DNAJB13: variants seen among roughly 807,000 people sequenced by gnomAD.
The protein encoded by DNAJB13 is DnaJ heat shock protein family (Hsp40) member B13.
Under a neutral mutation model 35.6 loss-of-function variants are expected in DNAJB13, and 22 were observed. The ratio of observed to expected loss-of-function variants is 0.62; its 90% CI spans 0.44 to 0.88. DNAJB13 has a LOEUF of 0.88. DNAJB13 is among the 40% of genes least tolerant of loss of function. The pLI, the probability that DNAJB13 is intolerant of heterozygous loss-of-function variation, is 0.00. For missense variants in DNAJB13, 370 were observed against 384.3 expected, an observed-to-expected ratio of 0.96 and a Z score of 0.31; for synonymous variants, 136 against 144.2, an observed-to-expected ratio of 0.94 and a Z score of 0.41.
intron 7 of DNAJB13, among the ~76,000 whole-genome samples, 196 bp downstream of exon 7, chr11:73,969,518 C>T (rs1951219814): frequency 1.3e-5 from 2 of 152,208 alleles, no homozygotes; most frequent in Non-Finnish European, 2.9e-5. Context: ...GCAAAAGGAA[C>T]ATCTTTTTCT....
At chr11:73,969,737 C>T (rs540841360) in intron 7 of DNAJB13, among the ~76,000 whole-genome samples, 1 of 146,878 alleles carries the variant, frequency 6.8e-6, no homozygotes, top group South Asian at 2.1e-4. Flanking sequence ...TTCCCGTTTC[C>T]CATGTCTTAA....
Position 73,963,097 on chromosome 11 carries a change from C to T in DNAJB13, c.335-1781C>T, listed in dbSNP as rs559222602. Among the ~76,000 whole-genome samples the T allele has an allele frequency of 7.2e-5, 11 of 152,036 alleles. No homozygotes were observed. The South Asian group carries it at 1.0e-3, about 14-fold the overall frequency. Reference sequence around the variant, plus strand: ...TCCCAGCACTTCAGGAGGCTGAGGCCGGCGGATCACTTGAGGTCGGCAGTT... The same window carrying T: ...TCCCAGCACTTCAGGAGGCTGAGGCTGGCGGATCACTTGAGGTCGGCAGTT... On this transcript the variant is annotated intron_variant, in intron 3 of 7. Coordinates refer to ENST00000339764, the MANE Select transcript of DNAJB13 (RefSeq NM_153614.4).
At chr11:73,957,935 G>C (rs984186640) in intron 1 of DNAJB13, among the ~76,000 whole-genome samples, 3 of 152,212 alleles carry the variant, frequency 2.0e-5, no homozygotes, top group Non-Finnish European at 2.9e-5. Flanking sequence ...GAAGGAGGGA[G>C]AGTGCAGCGA....
chr11:73,968,315 C>T (rs778281028), intron 5 of DNAJB13, 30 bp from the exon 6 acceptor site: 2 of 1,604,658 alleles, frequency 1.2e-6, no homozygotes, highest in East Asian at 4.5e-5. Context: ...GCCAACTAGT[C>T]CTTGTCACCT....
intron 6 of DNAJB13, 103 bp from the exon 7 acceptor site, chr11:73,969,143 C>A: frequency 1.7e-6 from 1 of 604,908 alleles, no homozygotes; most frequent in Non-Finnish European, 2.9e-6. Flanking sequence ...CTCCCTTGTG[C>A]CCAACTCACA....
Position 73,964,955 on chromosome 11 carries a change from C to G in DNAJB13, c.412C>G (p.Pro138Ala), listed in dbSNP as rs1398252512. ...GGGCCGAGGGGTCAAGAAGCAGGAC[C>G]CCCAAGTCGAACGGGATCTCTACCT... ...LQGRGVKKQD[P>A]QVERDLYLSL... Residue 138 changes from proline to alanine, a missense_variant, in exon 4 of 8, where the codon CCC becomes GCC. By Grantham distance (27) the Pro-to-Ala change is conservative. Coordinates refer to ENST00000339764, the MANE Select transcript of DNAJB13 (RefSeq NM_153614.4). 1.2e-6 allele frequency: 2 copies of G among 1,613,014 alleles called. No homozygotes were observed. Among genetic ancestry groups the G allele is most frequent in the African/African-American group, 1.3e-5 (1 of 74,812 alleles).
chr11:73,968,341 C>A lies in DNAJB13; in HGVS notation c.607-4C>A. ...CTTGTCACCTTTTGGCGTCCCCTGC[C>A]CAGGGCCCCAACATCATCCCAGCAG... On this transcript the variant is annotated splice_polypyrimidine_tract_variant and splice_region_variant and intron_variant, in intron 5 of 7. Coordinates refer to ENST00000339764, the MANE Select transcript of DNAJB13 (RefSeq NM_153614.4). 1 of 1,614,072 alleles carries A rather than the reference C, an allele frequency of 6.2e-7. No homozygotes were observed. Among genetic ancestry groups the A allele is most frequent in the Non-Finnish European group, 8.5e-7 (1 of 1,179,954 alleles).
chr11:73,963,841 G>A (rs1323465949), intron 3 of DNAJB13: 4 of 152,066 alleles, frequency 2.6e-5, no homozygotes, highest in South Asian at 2.1e-4. Flanking sequence ...TAACCATAGC[G>A]CCCCTCGAGT....
At chr11:73,957,955 A>T (rs934215004) in intron 1 of DNAJB13, among the ~76,000 whole-genome samples, 22 of 152,232 alleles carry the variant, frequency 1.4e-4, no homozygotes, top group African/African-American at 4.3e-4. Context: ...AGGCCCGGGG[A>T]GCAGCTCAGC....
chr11:73,969,927 G>A, intron 7 of DNAJB13, 34 bp from the exon 8 acceptor site: 1 of 1,582,638 alleles, frequency 6.3e-7, no homozygotes, highest in Non-Finnish European at 8.6e-7. Context: ...GCTCTGGGAT[G>A]CCCTCTATGC....
In DNAJB13 at chr11:73,967,292, G is replaced by C. The variant is rs576099529; in HGVS notation, c.606+1041G>C. Among the ~76,000 whole-genome samples the C allele has an allele frequency of 2.5e-3, 386 of 152,208 alleles. 4 individuals are homozygous for C. Among genetic ancestry groups the C allele is most frequent in the African/African-American group, 9.1e-3 (377 of 41,526 alleles). On this transcript the variant is annotated intron_variant, in intron 5 of 7. Coordinates refer to ENST00000339764, the MANE Select transcript of DNAJB13 (RefSeq NM_153614.4). ...ATTAAAGGTGTGAGCCACCGTGCCT[G>C]GCCTATTAATAATAATTTTAAATTA...
At chr11:73,960,902 C>CAGAT (rs1204648032) in intron 3 of DNAJB13, among the ~76,000 whole-genome samples, 2 of 152,044 alleles carry the variant, frequency 1.3e-5, no homozygotes, top group African/African-American at 4.8e-5. Flanking sequence ...TTTCATTGTA[C>CAGAT]AGATGTCTAT....
chr11:73,960,068 T>A (rs1333427914), intron 3 of DNAJB13, among the ~76,000 whole-genome samples: 1 of 152,028 alleles, frequency 6.6e-6, no homozygotes, highest in East Asian at 1.9e-4. Context: ...GTGCCCGGCC[T>A]ATTTTTACTT....
intron 5 of DNAJB13, among the ~76,000 whole-genome samples, chr11:73,967,656 G>A (rs74340401): frequency 0.036 from 5,526 of 152,262 alleles, 137 homozygotes; most frequent in Middle Eastern, 0.088. Context: ...GAGGCAGGAG[G>A]ATCTTTTGAG....
chr11:73,966,392 G>A (rs1951116801), intron 5 of DNAJB13, 141 bp downstream of exon 5: 1 of 731,702 alleles, frequency 1.4e-6, no homozygotes, highest in African/African-American at 1.7e-5. Flanking sequence ...CTGCAGAGTG[G>A]GTGAGATGGG....
chr11:73,959,928 A>G (rs1195361536), intron 3 of DNAJB13: 1 of 194,264 alleles, frequency 5.1e-6, no homozygotes, highest in East Asian at 1.2e-4. Flanking sequence ...ACACCCAGTT[A>G]ATTTTTTTAT....
chr11:73,951,090 T>C lies in DNAJB13; in HGVS notation c.21T>C (p.Ser7=). The change falls in exon 1 of 8, where the codon TCT becomes TCC. Residue 7 remains serine, a synonymous_variant. Coordinates refer to ENST00000339764, the MANE Select transcript of DNAJB13 (RefSeq NM_153614.4). ...CAGCCATGGGCCAGGATTATTACTC[T>C]GTGCTCGGGATCACTCGCAATTCAG... MGQDYY[S]VLGITRNSED... is the part of the protein sequence containing the mutation. 2.5e-6 allele frequency: 4 copies of C among 1,614,128 alleles called. No individual in the cohort carries two copies. The South Asian group carries it at 4.4e-5, about 18-fold the overall frequency.
intron 5 of DNAJB13, among the ~76,000 whole-genome samples, chr11:73,967,357 C>T (rs939810360): frequency 6.6e-6 from 1 of 152,148 alleles, no homozygotes; most frequent in Non-Finnish European, 1.5e-5. Flanking sequence ...TTGTCCAAGG[C>T]GTGCTGAATC....
At chr11:73,953,510 G>T (rs1029237303) in intron 1 of DNAJB13, among the ~76,000 whole-genome samples, 1 of 152,208 alleles carries the variant, frequency 6.6e-6, no homozygotes, top group Admixed American at 6.5e-5. Context: ...TGATTGATTT[G>T]AGCAAACAAG....
Sources: gnomAD v4.1 joint callset for allele counts (sites outside exome capture counted in the v4.1 genomes callset) on GRCh38, gnomAD v4.1.1 for gene constraint, MANE v1.5 for transcripts, NCBI Gene and HGNC (gene_info 2026-07-23, HGNC 2026-07-21) for gene names.